Variants in CLSTN3 observed in about 807,000 individuals in gnomAD.
CLSTN3 encodes the protein calsyntenin 3, also known as calsyntenin-3.
In CLSTN3, 36 loss-of-function variants were observed where a neutral mutation model predicts 95.9. The observed-to-expected ratio is 0.38, with a 90% CI of 0.29 to 0.50. The LOEUF (loss-of-function observed/expected upper bound fraction) is 0.50. Among genes scored for constraint, CLSTN3 ranks in the 20% least tolerant of loss-of-function variants. CLSTN3 has a pLI of 0.95. For missense variants in CLSTN3, 1,084 were observed against 1,268.8 expected (o/e 0.85, Z 2.21); for synonymous variants, 481 against 504.0 (o/e 0.95, Z 0.61).
upstream of CLSTN3, chr12:7,130,311 C>A (rs1212316919): frequency 1.9e-5 from 13 of 681,112 alleles, no homozygotes; most frequent in African/African-American, 7.9e-5. Context: ...GGTCCCCCCC[C>A]CTCCCAGTCA....
At chr12:7,138,172 C>CCTG in intron 8 of CLSTN3, 105 bp downstream of exon 8, 1 of 723,784 alleles carries the variant, frequency 1.4e-6, no homozygotes, top group African/African-American at 1.8e-5. Context: ...CCCCCTTGCC[C>CCTG]TCTCTTTGCT....
chr12:7,149,881 G>A lies in CLSTN3; in HGVS notation c.2245+188G>A, dbSNP rs1158877064. On this transcript the variant is annotated intron_variant, in intron 14 of 17. Coordinates refer to ENST00000266546, the MANE Select transcript of CLSTN3 (RefSeq NM_014718.4). The surrounding 1 kb of genome is among the most constrained non-coding windows in gnomAD (Gnocchi z 4.5). ...GGAAGGTGTGCTGGGTTTAGGCTCCGAATGCTTCTGTCTTCCTGCTCCTCT... is the reference window on the plus strand; with the variant it reads ...GGAAGGTGTGCTGGGTTTAGGCTCCAAATGCTTCTGTCTTCCTGCTCCTCT... Among the ~76,000 whole-genome samples, 6 of 152,180 alleles carry A rather than the reference G, an allele frequency of 3.9e-5. No individual in the cohort carries two copies. Among genetic ancestry groups the A allele is most frequent in the African/African-American group, 9.7e-5 (4 of 41,444 alleles).
chr12:7,150,726 C>A lies in CLSTN3; in HGVS notation c.2391+37C>A, dbSNP rs371414630. 325 of 1,602,744 alleles carry A rather than the reference C, an allele frequency of 2.0e-4. 4 individuals are homozygous for A. In the Middle Eastern group the frequency reaches 7.6e-3, roughly 38 times the overall value. ...GTCTCCTTCCTTCCACAGTTACCCA[C>A]CCCCAGAAAGGAGCTGAGGTGGCAT... On this transcript the variant is annotated intron_variant, in intron 15 of 17. Coordinates refer to ENST00000266546, the MANE Select transcript of CLSTN3 (RefSeq NM_014718.4). The surrounding 1 kb of genome is among the most constrained non-coding windows in gnomAD (Gnocchi z 4.0).
intron 16 of CLSTN3, chr12:7,156,689 G>T (rs756417939): frequency 2.2e-6 from 1 of 456,832 alleles, no homozygotes; most frequent in South Asian, 1.5e-5. Context: ...CTGCTTTGCC[G>T]CCATCAGCTC....
chr12:7,157,597 G>T lies in CLSTN3; in HGVS notation c.2636G>T (p.Gly879Val). 6.2e-7 allele frequency: 1 copy of T among 1,612,756 alleles called. No individual in the cohort carries two copies. ...RIHSLHRRVS[G>V]AGGPPGASSD... The stretch of plus-strand genomic sequence containing the variant: ...CATTCCCTTCACCGCCGCGTCTCAG[G>T]GGCCGGCGGGCCTCCAGGGGCCTCC... The change falls in exon 17 of 18, where the codon GGG (glycine) becomes GTG (valine). Residue 879 changes from glycine to valine, a missense_variant. By Grantham distance (109) the Gly-to-Val change is moderately radical (BLOSUM62 -3). Coordinates refer to ENST00000266546, the MANE Select transcript of CLSTN3 (RefSeq NM_014718.4). This position sits in a 1 kb window ranked among gnomAD's most constrained non-coding sequence, Gnocchi z 5.9.
Position 7,135,945 on chromosome 12 carries a change from G to T in CLSTN3, c.734G>T (p.Ser245Ile). The change falls in exon 5 of 18, where the codon AGC becomes ATC. Residue 245 changes from serine (S) to isoleucine (I), a missense_variant. Ser to Ile is a moderately radical substitution (Grantham distance 142). Coordinates refer to ENST00000266546, the MANE Select transcript of CLSTN3 (RefSeq NM_014718.4). The part of the protein sequence containing the change: ...EIQVKPTCKP[S>I]WQGWNKRIEY... ...CAGGTGAAGCCCACCTGTAAACCCAGCTGGCAAGGTGAGAGCTCAGCGCTG... is the reference window on the plus strand; with the variant it reads ...CAGGTGAAGCCCACCTGTAAACCCATCTGGCAAGGTGAGAGCTCAGCGCTG... The T allele has an allele frequency of 6.2e-7, 1 of 1,609,168 alleles. No individual in the cohort carries two copies. The highest frequency in any genetic ancestry group is 1.1e-5 in the South Asian group (1 of 90,444).
At chr12:7,143,080 C>T in intron 11 of CLSTN3, 54 bp downstream of exon 11, 3 of 1,596,656 alleles carry the variant, frequency 1.9e-6, no homozygotes, top group Non-Finnish European at 2.6e-6. Context: ...TGCCCCACCC[C>T]CTTGCCCTAC....
intron 1 of CLSTN3, chr12:7,130,952 C>T (rs977194628): frequency 5.1e-6 from 3 of 592,570 alleles, no homozygotes; most frequent in South Asian, 2.0e-5. Flanking sequence ...TCATCTTGCT[C>T]CCATTTGGTC....
intron 12 of CLSTN3, among the ~76,000 whole-genome samples, chr12:7,144,939 C>T (rs774094789): frequency 9.8e-4 from 150 of 152,288 alleles, no homozygotes; most frequent in African/African-American, 3.2e-3. Context: ...GTATGCACCC[C>T]GCCATGTCCC....
At chr12:7,136,776 C>A in intron 6 of CLSTN3, 53 bp from the exon 7 acceptor site, 1 of 1,592,556 alleles carries the variant, frequency 6.3e-7, no homozygotes, top group Non-Finnish European at 8.6e-7. Context: ...CTGCCCTTTT[C>A]ACCATCTGCT....
rs770193497 is a variant in CLSTN3, at chr12:7,133,577, G to A, written c.192G>A (p.Glu64=). 29 of 1,613,888 alleles carry A rather than the reference G, an allele frequency of 1.8e-5. No individual in the cohort carries two copies. Among genetic ancestry groups the A allele is most frequent in the African/African-American group, 5.3e-5 (4 of 74,910 alleles). Residue 64 remains glutamate (E), a synonymous_variant, in exon 3 of 18, where the codon GAG becomes GAA. Coordinates refer to ENST00000266546, the MANE Select transcript of CLSTN3 (RefSeq NM_014718.4). This position sits in a 1 kb window ranked among gnomAD's most constrained non-coding sequence, Gnocchi z 4.7. ...TCCCCTTCTCCCCTTTGCCAGGTGA[G>A]ATCTGCGGCTTCCGGCTCCATGGGT... The part of the protein sequence containing the change: ...DKDAPLRYAG[E]ICGFRLHGSG...
In CLSTN3 at chr12:7,135,543, C is replaced by T. The variant is rs754688978; in HGVS notation, c.592+8C>T. ...TCCTCATTGACAATGACGGTGAGTC[C>T]ACCCCTGGCTTCCCTGGCCACCCAG... On this transcript the variant is annotated splice_region_variant and intron_variant, in intron 4 of 17. Coordinates refer to ENST00000266546, the MANE Select transcript of CLSTN3 (RefSeq NM_014718.4). 4.3e-6 allele frequency: 7 copies of T among 1,613,408 alleles called. No homozygotes were observed. The African/African-American group carries it at 9.3e-5, about 22-fold the overall frequency.
chr12:7,158,091 C>A lies in CLSTN3; in HGVS notation c.*10C>A, dbSNP rs772195799. The A allele has an allele frequency of 4.0e-6, 6 of 1,498,154 alleles. No homozygotes were observed. In the South Asian group the frequency reaches 7.9e-5, roughly 20 times the overall value. The allele number at this position is 1,498,154 out of a possible 1,614,324, so 92.8% of individuals were successfully genotyped here. On this transcript the variant is annotated 3_prime_UTR_variant, in exon 18 of 18. Transcript: ENST00000266546. ...CCCACACCGCTACTAAGGCCTACAC[C>A]TCTCCCCACGCAGAGGGGGAATTCT...
chr12:7,149,561 C>A lies in CLSTN3; in HGVS notation c.2113C>A (p.Leu705Met), dbSNP rs1292090700. 1 of 1,614,110 alleles carries A rather than the reference C, an allele frequency of 6.2e-7. No homozygotes were observed. Among genetic ancestry groups the A allele is most frequent in the Non-Finnish European group, 8.5e-7 (1 of 1,179,992 alleles). The change falls in exon 14 of 18, where the codon CTG (leucine) becomes ATG (methionine). Residue 705 changes from leucine (L) to methionine (M), a missense_variant. By Grantham distance (15) the Leu-to-Met change is conservative. Transcript: ENST00000266546. This position sits in a 1 kb window ranked among gnomAD's most constrained non-coding sequence, Gnocchi z 4.5. ...CATGTCGGATGAGATTGTGCACAAC[C>A]TGGATGGCTGTGAAATTTCTCTGGT... ...TRMSDEIVHN[L>M]DGCEISLVGD...
At position 7,157,806 on chromosome 12, in the gene CLSTN3, C is replaced by A; in HGVS notation, c.2730+115C>A. ...AGGCTGTTCGCAGAGCTGCAGTGAG[C>A]CGGAGGGAGAGAGGTTCAGGCAGGG... On this transcript the variant is annotated intron_variant, in intron 17 of 17. Coordinates refer to ENST00000266546, the MANE Select transcript of CLSTN3 (RefSeq NM_014718.4). The surrounding 1 kb of genome is among the most constrained non-coding windows in gnomAD (Gnocchi z 5.9). 3 of 1,488,540 alleles carry A rather than the reference C, an allele frequency of 2.0e-6. No individual in the cohort carries two copies. Among genetic ancestry groups the A allele is most frequent in the Non-Finnish European group, 2.7e-6 (3 of 1,105,858 alleles). The allele number at this position is 1,488,540 out of a possible 1,614,324, so 92.2% of individuals were successfully genotyped here. A position where few individuals can be genotyped will look rare whatever the true frequency, so the allele number is the denominator to read the frequency against.
Position 7,133,260 on chromosome 12 carries a change from T to G in CLSTN3, c.187+114T>G. 1 of 1,392,012 alleles carries G rather than the reference T, an allele frequency of 7.2e-7. No individual in the cohort carries two copies. Among genetic ancestry groups the G allele is most frequent in the Non-Finnish European group, 9.8e-7 (1 of 1,016,784 alleles). 86.2% of individuals were successfully genotyped at this position (1,392,012 alleles called of 1,614,324 possible). ...GGAGTGATGAGAAAGTAAGGGAAGA[T>G]AAAAGTGGGCTCAAGGAGGGGAATG... On this transcript the variant is annotated intron_variant, in intron 2 of 17. Transcript: ENST00000266546. The surrounding 1 kb of genome is among the most constrained non-coding windows in gnomAD (Gnocchi z 4.7).
At chr12:7,140,075 A>T (rs1208624401) in intron 8 of CLSTN3, among the ~76,000 whole-genome samples, 2 of 152,328 alleles carry the variant, frequency 1.3e-5, no homozygotes, top group East Asian at 3.9e-4. Flanking sequence ...GATGTGTGGC[A>T]ATGGAGACGG....
At chr12:7,131,328 A>G in intron 1 of CLSTN3, 1 of 221,432 alleles carries the variant, frequency 4.5e-6, no homozygotes, top group Non-Finnish European at 9.2e-6. Flanking sequence ...GGAGGACGGG[A>G]GGGAGGGCTT....
Position 7,150,852 on chromosome 12 carries a change from G to A in CLSTN3, c.2392-76G>A. 6.5e-7 allele frequency: 1 copy of A among 1,548,734 alleles called. No individual in the cohort carries two copies. The highest frequency in any genetic ancestry group is 8.8e-7 in the Non-Finnish European group (1 of 1,141,240). ...AAGGAGATGGGGGCAGTAGTTAGGA[G>A]ATGGGGCTGGGGTCTAGAGAAGTGG... is the stretch of plus-strand genomic sequence containing the variant. On this transcript the variant is annotated intron_variant, in intron 15 of 17. Transcript: ENST00000266546. The surrounding 1 kb of genome is among the most constrained non-coding windows in gnomAD (Gnocchi z 4.0).
Sources: gnomAD v4.1 joint callset for allele counts (sites outside exome capture counted in the v4.1 genomes callset) on GRCh38, gnomAD v4.1.1 for gene constraint, Gnocchi (gnomAD v3.1) non-coding constraint, MANE v1.5 for transcripts, NCBI Gene and HGNC (gene_info 2026-07-23, HGNC 2026-07-21) for gene names.